Variants in PHKB observed in about 807,000 individuals in gnomAD.
The protein encoded by PHKB is phosphorylase kinase regulatory subunit beta.
PHKB carries 122 observed loss-of-function variants against 152.1 expected under a neutral mutation model. The ratio of observed to expected loss-of-function variants is 0.80; its 90% CI spans 0.69 to 0.93. PHKB has a LOEUF of 0.93. Among genes scored for constraint, PHKB ranks in the 40% least tolerant of loss-of-function variants. The pLI, the probability that PHKB is intolerant of heterozygous loss-of-function variation, is 0.00. For synonymous variants in PHKB, 436 were observed against 464.9 expected (o/e 0.94, Z 0.80); for missense variants, 1,304 against 1,328.4 (o/e 0.98, Z 0.29).
rs527722569 is a variant in PHKB at position 47,491,445 on chromosome 16, A to G, written c.77-5954A>G. Among the ~76,000 whole-genome samples, 48 of 152,336 alleles carry G rather than the reference A, an allele frequency of 3.2e-4. 1 individual carries two copies. Among genetic ancestry groups the G allele is most frequent in the African/African-American group, 1.1e-3 (45 of 41,576 alleles). ...ATATTGGTGACATCTGCATTTTACT[A>G]ATAATCTTTAAGGCTGTTGTTATTT... On this transcript the variant is annotated intron_variant, in intron 1 of 30. Transcript: ENST00000323584.
intron 6 of PHKB, among the ~76,000 whole-genome samples, chr16:47,528,708 T>TC (rs1480789042): frequency 1.3e-5 from 2 of 150,702 alleles, no homozygotes; most frequent in African/African-American, 4.9e-5. Flanking sequence ...TTTTTTTTTT[T>TC]TTTTTATTTT....
chr16:47,500,950 A>G lies in PHKB; in HGVS notation c.305+1056A>G, dbSNP rs533492086. On this transcript the variant is annotated intron_variant, in intron 3 of 30. Coordinates refer to ENST00000323584, the MANE Select transcript of PHKB (RefSeq NM_000293.3). ...TGAAATTACTGATGTGTTGGATTTT[A>G]AAAAGAAAATCAAACACTGAGATAA... Among the ~76,000 whole-genome samples, 312 of 152,354 alleles carry G rather than the reference A, an allele frequency of 2.0e-3. 1 individual carries two copies. Among genetic ancestry groups the G allele is most frequent in the South Asian group, 3.9e-3 (19 of 4,828 alleles).
rs555108367 is a variant in PHKB at position 47,689,078 on chromosome 16, C to T, written c.2668C>T (p.Arg890Cys). The change falls in exon 27 of 31, where the codon CGT becomes TGT. Residue 890 changes from arginine to cysteine, a missense_variant. Arg to Cys is a radical substitution (Grantham distance 180). Coordinates refer to ENST00000323584, the MANE Select transcript of PHKB (RefSeq NM_000293.3). ...TGCCATGGAGTATGAACTTCAGATC[C>T]GTGGCGGAGACAAGCCAGCCTTGGA... ...IHAMEYELQI[R>C]GGDKPALDLY... is the part of the protein sequence containing the mutation. 2.3e-5 allele frequency: 37 copies of T among 1,613,916 alleles called. No homozygotes were observed. Among genetic ancestry groups the T allele is most frequent in the South Asian group, 1.4e-4 (13 of 91,062 alleles).
intron 1 of PHKB, among the ~76,000 whole-genome samples, chr16:47,489,448 T>C (rs773558655): frequency 2.6e-5 from 4 of 152,242 alleles, no homozygotes; most frequent in African/African-American, 4.8e-5. Context: ...CTTATACTTA[T>C]CCTGACTATT....
chr16:47,600,233 C>G (rs1030569014), intron 13 of PHKB, among the ~76,000 whole-genome samples: 1 of 152,054 alleles, frequency 6.6e-6, no homozygotes, highest in Non-Finnish European at 1.5e-5. Context: ...TTTCCTGAAC[C>G]AAGGCCTGAA....
chr16:47,576,670 C>G (rs746430012), intron 7 of PHKB, among the ~76,000 whole-genome samples: 19 of 152,188 alleles, frequency 1.2e-4, no homozygotes, highest in Non-Finnish European at 1.9e-4. Flanking sequence ...ATTGCTATGT[C>G]TTCTTCGTGG....
chr16:47,541,886 C>T (rs912391827), intron 6 of PHKB, among the ~76,000 whole-genome samples: 2 of 151,908 alleles, frequency 1.3e-5, no homozygotes, highest in Non-Finnish European at 2.9e-5. Context: ...TTTGTAGATT[C>T]TGGATATTAG....
chr16:47,671,792 T>C (rs190827936), intron 26 of PHKB, among the ~76,000 whole-genome samples: 1 of 152,326 alleles, frequency 6.6e-6, no homozygotes, highest in African/African-American at 2.4e-5. Context: ...ACAACCTAGA[T>C]GTTCATTAGT....
At chr16:47,575,402 A>G (rs576157049) in intron 7 of PHKB, among the ~76,000 whole-genome samples, 11 of 152,348 alleles carry the variant, frequency 7.2e-5, no homozygotes, top group African/African-American at 2.6e-4. Flanking sequence ...ACCTGTACTC[A>G]TATGTTTATC....
intron 8 of PHKB, among the ~76,000 whole-genome samples, chr16:47,585,455 C>T (rs1971919886): frequency 6.6e-6 from 1 of 152,128 alleles, no homozygotes; most frequent in South Asian, 2.1e-4. Context: ...ATTAATGTGT[C>T]TGATTATTTA....
chr16:47,490,020 TTAAAA>T (rs1970120409), intron 1 of PHKB, among the ~76,000 whole-genome samples: 1 of 152,122 alleles, frequency 6.6e-6, no homozygotes, highest in Admixed American at 6.5e-5. Context: ...TATAAATAGT[TTAAAA>T]TAAGTTTCCT....
chr16:47,554,249 C>T (rs1002349379), intron 7 of PHKB, among the ~76,000 whole-genome samples: 17 of 152,326 alleles, frequency 1.1e-4, no homozygotes, highest in Admixed American at 6.5e-4. Context: ...AGTCTGGCTA[C>T]AGCAGCTTTG....
At chr16:47,640,974 T>C in intron 14 of PHKB, 61 bp from the exon 15 acceptor site, 1 of 1,413,976 alleles carries the variant, frequency 7.1e-7, no homozygotes, top group Non-Finnish European at 1.0e-6. Context: ...TGTTTCTCAT[T>C]GTAGCTGATG....
intron 14 of PHKB, among the ~76,000 whole-genome samples, chr16:47,616,759 G>A (rs1207623409): frequency 2.0e-5 from 3 of 151,362 alleles, no homozygotes; most frequent in Non-Finnish European, 2.9e-5. Flanking sequence ...AAAGACACAC[G>A]CACAGAAATA....
intron 25 of PHKB, 58 bp downstream of exon 25, chr16:47,665,033 C>A: frequency 9.4e-7 from 1 of 1,067,650 alleles, no homozygotes; most frequent in Non-Finnish European, 1.5e-6. Flanking sequence ...CTTATTTGCA[C>A]TCTGAAGGTT....
chr16:47,565,600 G>T, intron 7 of PHKB: 1 of 1,054,622 alleles, frequency 9.5e-7, no homozygotes, highest in Non-Finnish European at 1.5e-6. Flanking sequence ...ACTCTCCCTC[G>T]TGCATTTCTG....
rs767218182 is a variant in PHKB, at chr16:47,461,350, G to A, written c.-1G>A. 2 of 1,609,488 alleles carry A rather than the reference G, an allele frequency of 1.2e-6. No homozygotes were observed. Among genetic ancestry groups the A allele is most frequent in the East Asian group, 4.5e-5 (2 of 44,730 alleles). ...GTGGCCAAGGCGGCGACCGGAGCGC[G>A]ATGGCGGGGGCGGCGGGACTCACGG... On this transcript the variant is annotated 5_prime_UTR_variant, in exon 1 of 31. Coordinates refer to ENST00000323584, the MANE Select transcript of PHKB (RefSeq NM_000293.3).
At chr16:47,530,473 G>T (rs1970843819) in intron 6 of PHKB, among the ~76,000 whole-genome samples, 1 of 152,130 alleles carries the variant, frequency 6.6e-6, no homozygotes, top group Non-Finnish European at 1.5e-5. Flanking sequence ...ATTTAACATT[G>T]TACAGGTGAC....
chr16:47,650,719 C>A (rs1973221928), intron 19 of PHKB, 93 bp downstream of exon 19: 2 of 1,245,346 alleles, frequency 1.6e-6, no homozygotes, highest in East Asian at 4.6e-5. Context: ...GTTTTTGTAT[C>A]CTTCTTAGTA....
Sources: gnomAD v4.1 joint callset for allele counts (sites outside exome capture counted in the v4.1 genomes callset) on GRCh38, gnomAD v4.1.1 for gene constraint, MANE v1.5 for transcripts, NCBI Gene and HGNC (gene_info 2026-07-23, HGNC 2026-07-21) for gene names.